CUX2: variants seen among roughly 807,000 people sequenced by gnomAD.
The protein encoded by CUX2 is homeobox protein cut-like 2.
In CUX2, 40 loss-of-function variants were observed where a neutral mutation model predicts 144.8. That is an observed-to-expected ratio of 0.28 (90% CI 0.21 to 0.36). The LOEUF (loss-of-function observed/expected upper bound fraction) is 0.36. CUX2 is among the 10% of genes least tolerant of loss of function. The pLI, the probability that CUX2 is intolerant of heterozygous loss-of-function variation, is 1.00. For synonymous variants in CUX2, 827 were observed against 875.6 expected (o/e 0.94, Z 0.98); for missense variants, 1,615 against 1,994.0 (o/e 0.81, Z 3.62).
chr12:111,104,837 T>C (rs1386974881), intron 1 of CUX2, among the ~76,000 whole-genome samples: 1 of 152,170 alleles, frequency 6.6e-6, no homozygotes, highest in Non-Finnish European at 1.5e-5. Flanking sequence ...CCTGGTGACC[T>C]TGACGCCTTT....
At chr12:111,160,000 G>A (rs1057408205) in intron 1 of CUX2, among the ~76,000 whole-genome samples, 1 of 152,190 alleles carries the variant, frequency 6.6e-6, no homozygotes, top group Non-Finnish European at 1.5e-5. Flanking sequence ...ACTCCAGCCT[G>A]GGCGACAAAG....
intron 1 of CUX2, among the ~76,000 whole-genome samples, chr12:111,045,960 C>A (rs1833730353): frequency 6.6e-6 from 1 of 152,224 alleles, no homozygotes; most frequent in South Asian, 2.1e-4. Context: ...CACCTCCAGG[C>A]CCTCACTGCT....
Position 111,034,855 on chromosome 12 carries a change from C to T in CUX2, c.63+615C>T, listed in dbSNP as rs1362686901. Among the ~76,000 whole-genome samples the T allele has an allele frequency of 3.4e-5, 5 of 148,920 alleles. No homozygotes were observed. The highest frequency in any genetic ancestry group is 6.0e-5 in the Non-Finnish European group (4 of 66,802). On this transcript the variant is annotated intron_variant, in intron 1 of 21. Coordinates refer to ENST00000261726, the MANE Select transcript of CUX2 (RefSeq NM_015267.4). The surrounding 1 kb of genome is among the most constrained non-coding windows in gnomAD (Gnocchi z 4.2). ...CTGCGCAGCCCGGACGCGCCGCCAC[C>T]CGGGGGCCGCCGCCGCCGCCGCCAG... is the stretch of plus-strand genomic sequence containing the variant.
At chr12:111,069,359 C>G (rs948540730) in intron 1 of CUX2, among the ~76,000 whole-genome samples, 1 of 152,076 alleles carries the variant, frequency 6.6e-6, no homozygotes, top group Non-Finnish European at 1.5e-5. Flanking sequence ...TATTTTCTCC[C>G]TCTTCCGTGC....
intron 4 of CUX2, among the ~76,000 whole-genome samples, chr12:111,284,445 T>C (rs1024803263): frequency 2.0e-5 from 3 of 152,146 alleles, no homozygotes; most frequent in Non-Finnish European, 4.4e-5. Context: ...ACAGCAAAGC[T>C]TGGACACGAG....
In CUX2 at chr12:111,176,022, CTCTTCT is replaced by C. The variant is rs1209886278; in HGVS notation, c.64-38164_64-38159del. ...GGAGAACTGATGGGGTTTGAGGAGTCTCTTCTTCTTCTTCTTCTTTTTTTTTTTTTT... is the reference window on the plus strand; with the variant it reads ...GGAGAACTGATGGGGTTTGAGGAGTCTCTTCTTCTTCTTTTTTTTTTTTTT... On this transcript the variant is annotated intron_variant, in intron 1 of 21. Coordinates refer to ENST00000261726, the MANE Select transcript of CUX2 (RefSeq NM_015267.4). Among the ~76,000 whole-genome samples the C allele has an allele frequency of 3.6e-5, 5 of 137,624 alleles. 1 individual carries two copies. Among genetic ancestry groups the C allele is most frequent in the African/African-American group, 1.1e-4 (4 of 36,466 alleles). 90.3% of individuals were successfully genotyped at this position (137,624 alleles called of 152,430 possible). A position where few individuals can be genotyped will look rare whatever the true frequency, so the allele number is the denominator to read the frequency against.
At chr12:111,043,730 C>T (rs977910017) in intron 1 of CUX2, among the ~76,000 whole-genome samples, 18 of 152,196 alleles carry the variant, frequency 1.2e-4, no homozygotes, top group Admixed American at 1.2e-3. Context: ...CTATACCCAT[C>T]TTCCAGATGA....
At chr12:111,284,278 C>G (rs551058267) in intron 4 of CUX2, among the ~76,000 whole-genome samples, 4 of 152,260 alleles carry the variant, frequency 2.6e-5, no homozygotes, top group African/African-American at 9.6e-5. Context: ...ACAGGGGAAC[C>G]AGAGAATTCA....
At position 111,295,998 on chromosome 12, in the gene CUX2, C is replaced by T. The variant is rs1885965484; in HGVS notation, c.638-475C>T. Among the ~76,000 whole-genome samples, 1 of 152,112 alleles carries T rather than the reference C, an allele frequency of 6.6e-6. No individual in the cohort carries two copies. Among genetic ancestry groups the T allele is most frequent in the Admixed American group, 6.5e-5 (1 of 15,274 alleles). On this transcript the variant is annotated intron_variant, in intron 7 of 21. Coordinates refer to ENST00000261726, the MANE Select transcript of CUX2 (RefSeq NM_015267.4). The surrounding 1 kb of genome is among the most constrained non-coding windows in gnomAD (Gnocchi z 5.0). ...AATCTGGAGTTGTATCAAAAACGCT[C>T]GTTCATTGTAACACATGAATCTGTT...
At chr12:111,265,490 C>T (rs978886702) in intron 4 of CUX2, among the ~76,000 whole-genome samples, 4 of 151,782 alleles carry the variant, frequency 2.6e-5, no homozygotes, top group African/African-American at 7.3e-5. Flanking sequence ...TACAGGCATG[C>T]ACCACCATTC....
At chr12:111,337,226 G>T (rs957351054) in intron 19 of CUX2, among the ~76,000 whole-genome samples, 1 of 151,790 alleles carries the variant, frequency 6.6e-6, no homozygotes, top group Non-Finnish European at 1.5e-5. Flanking sequence ...GGTGGCTTAA[G>T]CCTGTGCTCT....
intron 1 of CUX2, among the ~76,000 whole-genome samples, chr12:111,164,450 C>T (rs1463250872): frequency 1.3e-5 from 2 of 152,040 alleles, no homozygotes; most frequent in African/African-American, 4.8e-5. Context: ...GTGGCACGTG[C>T]TTGTAATCCC....
chr12:111,190,489 C>G lies in CUX2; in HGVS notation c.64-23711C>G, dbSNP rs370484553. The stretch of plus-strand genomic sequence containing the variant: ...GAACATTCCTCCACCTAGCCTGGCC[C>G]CACTATCTAAGCTGCTCAAGCCAGG... On this transcript the variant is annotated intron_variant, in intron 1 of 21. Coordinates refer to ENST00000261726, the MANE Select transcript of CUX2 (RefSeq NM_015267.4). The surrounding 1 kb of genome is among the most constrained non-coding windows in gnomAD (Gnocchi z 4.0). 6.6e-5 allele frequency among the ~76,000 whole-genome samples: 10 copies of G among 152,294 alleles called. No homozygotes were observed. The highest frequency in any genetic ancestry group is 3.9e-4 in the East Asian group (2 of 5,186).
At chr12:111,175,574 C>T (rs1330687929) in intron 1 of CUX2, among the ~76,000 whole-genome samples, 1 of 152,098 alleles carries the variant, frequency 6.6e-6, no homozygotes, top group African/African-American at 2.4e-5. Flanking sequence ...TTGTGGCAGG[C>T]TTGGTCACGC....
At chr12:111,288,645 G>A (rs1329975791) in intron 4 of CUX2, among the ~76,000 whole-genome samples, 1 of 152,034 alleles carries the variant, frequency 6.6e-6, no homozygotes, top group Non-Finnish European at 1.5e-5. Context: ...TGACCAACAT[G>A]GTGAAACCCC....
intron 3 of CUX2, among the ~76,000 whole-genome samples, chr12:111,238,641 G>C (rs1183198563): frequency 6.6e-6 from 1 of 152,156 alleles, no homozygotes; most frequent in Non-Finnish European, 1.5e-5. Flanking sequence ...TGCCTACTAT[G>C]TGCCGAGCTC....
chr12:111,122,143 G>A (rs1343368876), intron 1 of CUX2, among the ~76,000 whole-genome samples: 1 of 152,122 alleles, frequency 6.6e-6, no homozygotes, highest in East Asian at 1.9e-4. Flanking sequence ...GAGAACTCTT[G>A]AAAGCCTGAT....
Position 111,310,691 on chromosome 12 carries a change from C to A in CUX2, c.1900+9C>A. 6.4e-7 allele frequency: 1 copy of A among 1,572,818 alleles called. No individual in the cohort carries two copies. The stretch of plus-strand genomic sequence containing the variant: ...CCAAGTGCGGCAGCGAGGTGAGTGC[C>A]CAAGAGGGCCCGTCCCCGCTGGCCA... On this transcript the variant is annotated intron_variant, in intron 15 of 21. Transcript: ENST00000261726. This position sits in a 1 kb window ranked among gnomAD's most constrained non-coding sequence, Gnocchi z 7.9.
chr12:111,260,655 C>T (rs1884071552), intron 3 of CUX2, among the ~76,000 whole-genome samples: 1 of 152,188 alleles, frequency 6.6e-6, no homozygotes, highest in South Asian at 2.1e-4. Flanking sequence ...CCAAAACTGT[C>T]ATCCTCCTTA....
Sources: allele counts gnomAD v4.1 joint callset (sites outside exome capture counted in the v4.1 genomes callset), GRCh38; gene constraint gnomAD v4.1.1; non-coding constraint Gnocchi (gnomAD v3.1); transcripts MANE v1.5; gene names NCBI Gene and HGNC (gene_info 2026-07-23, HGNC 2026-07-21).